Variants in SCN3A observed in about 807,000 individuals in gnomAD.
SCN3A encodes sodium voltage-gated channel alpha subunit 3.
A neutral mutation model predicts 187.6 loss-of-function variants in SCN3A; 60 were observed. That is an observed-to-expected ratio of 0.32 (90% CI 0.26 to 0.40). SCN3A has a LOEUF of 0.40. SCN3A is among the 10% of genes least tolerant of loss of function. The pLI, the probability that SCN3A is intolerant of heterozygous loss-of-function variation, is 1.00. For synonymous variants in SCN3A, 788 were observed against 829.2 expected (o/e 0.95, Z 0.85); for missense variants, 1,601 against 2,428.2 (o/e 0.66, Z 7.16).
chr2:165,167,339 A>G (rs62174951), intron 5 of SCN3A, among the ~76,000 whole-genome samples: 34,192 of 151,806 alleles, frequency 0.23, 5,013 homozygotes, highest in East Asian at 0.52. Flanking sequence ...TCTCTATTAC[A>G]ATAATTTCTA....
rs75385243 is a variant in SCN3A at position 165,191,155 on chromosome 2, A to G, written c.-247-4408T>C. Among the ~76,000 whole-genome samples the G allele has an allele frequency of 9.8e-3, 1,448 of 147,284 alleles. 25 individuals are homozygous for G. The highest frequency in any genetic ancestry group is 0.032 in the African/African-American group (1,293 of 39,870). On this transcript the variant is annotated intron_variant, in intron 1 of 27. Coordinates refer to ENST00000283254, the MANE Select transcript of SCN3A (RefSeq NM_006922.4). ...TAAAGATGACAATCATAGCTTCTTCAGTCTCATTTATTTATTCATTTGATG... is the reference window on the plus strand; with the variant it reads ...TAAAGATGACAATCATAGCTTCTTCGGTCTCATTTATTTATTCATTTGATG...
intron 25 of SCN3A, among the ~76,000 whole-genome samples, chr2:165,094,823 T>C (rs1014606480): frequency 2.6e-5 from 4 of 152,224 alleles, no homozygotes; most frequent in Non-Finnish European, 5.9e-5. Flanking sequence ...TTTAACACTT[T>C]CTGTGTGCTA....
intron 5 of SCN3A, among the ~76,000 whole-genome samples, chr2:165,166,990 C>G (rs1689807289): frequency 6.6e-6 from 1 of 151,886 alleles, no homozygotes; most frequent in African/African-American, 2.4e-5. Flanking sequence ...ACCTCCACCT[C>G]CTGGGTTCAA....
chr2:165,200,255 G>C (rs1255671981), intron 1 of SCN3A, among the ~76,000 whole-genome samples: 1 of 151,958 alleles, frequency 6.6e-6, no homozygotes, highest in Non-Finnish European at 1.5e-5. Flanking sequence ...TTGGAAAACT[G>C]GTAAAACAAC....
chr2:165,147,267 T>C (rs1688407733), intron 11 of SCN3A, among the ~76,000 whole-genome samples: 1 of 123,146 alleles, frequency 8.1e-6, no homozygotes, highest in Non-Finnish European at 1.7e-5. Context: ...GCCTATCTTC[T>C]GGATTGTCTT....
At chr2:165,169,951 G>A (rs564145068) in intron 4 of SCN3A, among the ~76,000 whole-genome samples, 10 of 151,610 alleles carry the variant, frequency 6.6e-5, no homozygotes, top group East Asian at 1.9e-4. Context: ...GGAATAAGAC[G>A]GAAGGGAAAA....
At chr2:165,153,401 G>C (rs1688813490) in intron 11 of SCN3A, among the ~76,000 whole-genome samples, 1 of 151,896 alleles carries the variant, frequency 6.6e-6, no homozygotes, top group South Asian at 2.1e-4. Context: ...AGATCCAAAA[G>C]AATGATTTAA....
intron 19 of SCN3A, among the ~76,000 whole-genome samples, chr2:165,114,235 G>C (rs1192784527): frequency 6.6e-6 from 1 of 152,116 alleles, no homozygotes; most frequent in Non-Finnish European, 1.5e-5. Context: ...CACCAGTCAG[G>C]ATTATTTTGC....
intron 20 of SCN3A, among the ~76,000 whole-genome samples, chr2:165,113,549 G>A (rs955911881): frequency 2.6e-5 from 4 of 152,156 alleles, no homozygotes; most frequent in East Asian, 1.9e-4. Flanking sequence ...GGAAAGTAAC[G>A]TGGTTACAGA....
At chr2:165,188,593 G>T (rs920798797) in intron 1 of SCN3A, among the ~76,000 whole-genome samples, 2 of 151,938 alleles carry the variant, frequency 1.3e-5, no homozygotes, top group African/African-American at 4.8e-5. Context: ...TTTGAGACCA[G>T]CCTGACCAAC....
Position 165,094,281 on chromosome 2 carries a change from A to G in SCN3A, c.4536+93T>C, listed in dbSNP as rs531470593. On this transcript the variant is annotated intron_variant, in intron 26 of 27. Transcript: ENST00000283254. ...TTATAATTAGGGCTCAATATTGGTG[A>G]TATCACCTAATATGTTCTGCTCCAG... 4.4e-6 allele frequency: 4 copies of G among 901,488 alleles called. No homozygotes were observed. The African/African-American group carries it at 4.9e-5, about 11-fold the overall frequency. 55.8% of individuals were successfully genotyped at this position (901,488 alleles called of 1,614,324 possible).
intron 10 of SCN3A, 72 bp downstream of exon 10, chr2:165,155,690 C>T: frequency 1.3e-6 from 2 of 1,566,448 alleles, no homozygotes; most frequent in Non-Finnish European, 1.8e-6. Context: ...TGAGCCACCA[C>T]ACCCAGCCTA....
rs145865846 is a variant in SCN3A at position 165,133,582 on chromosome 2, G to A, written c.2392-2165C>T. Among the ~76,000 whole-genome samples, 936 of 151,076 alleles carry A rather than the reference G, an allele frequency of 6.2e-3. 6 individuals carry two copies. The highest frequency in any genetic ancestry group is 0.022 in the African/African-American group (897 of 41,190). ...CAGTTTCGAACTCCTGACCTCAAGTGATCTGCCCGCCTCAGCCTCCCAAAG... is the reference window on the plus strand; with the variant it reads ...CAGTTTCGAACTCCTGACCTCAAGTAATCTGCCCGCCTCAGCCTCCCAAAG... On this transcript the variant is annotated intron_variant, in intron 15 of 27. Coordinates refer to ENST00000283254, the MANE Select transcript of SCN3A (RefSeq NM_006922.4).
In SCN3A at chr2:165,168,750, C is replaced by T. The variant is rs1553538118; in HGVS notation, c.459G>A (p.Trp153Ter). The change falls in exon 5 of 28, where the codon TGG becomes TGA. Residue 153 changes from tryptophan (W) to a stop codon, truncating the protein, a stop_gained. Coordinates refer to ENST00000283254, the MANE Select transcript of SCN3A (RefSeq NM_006922.4). LOFTEE classifies it high-confidence loss of function. ...VFMTLSNPPD[W>*]TKNVEYTFTG... is the part of the protein sequence containing the mutation. The stretch of plus-strand genomic sequence containing the variant: ...TTCCTACTTACTCTACATTCTTTGT[C>T]CAGTCAGGAGGGTTGCTCAAGGTCA... The T allele has an allele frequency of 6.2e-7, 1 of 1,608,390 alleles. No homozygotes were observed. The highest frequency in any genetic ancestry group is 8.5e-7 in the Non-Finnish European group (1 of 1,175,038).
rs199983547 is a variant in SCN3A at position 165,090,376 on chromosome 2, T to C, written c.5777A>G (p.Asn1926Ser). ...CCCTTTAATTGCCTCTTTGTTATAG[T>C]TACTTGATATATTTTTTAACCTTTG... ...LKQRLKNISS[N>S]YNKEAIKGRI... The change falls in exon 28 of 28, where the codon AAC (asparagine) becomes AGC (serine). Residue 1926 changes from asparagine (N) to serine (S), a missense_variant. Physicochemically the swap from Asn to Ser is conservative, Grantham distance 46 (BLOSUM62 1). Transcript: ENST00000283254. The surrounding 1 kb of genome is among the most constrained non-coding windows in gnomAD (Gnocchi z 4.0). The C allele has an allele frequency of 2.5e-6, 4 of 1,613,042 alleles. No homozygotes were observed. Among genetic ancestry groups the C allele is most frequent in the Non-Finnish European group, 3.4e-6 (4 of 1,179,098 alleles).
At chr2:165,111,209 C>T (rs1302578387) in intron 21 of SCN3A, among the ~76,000 whole-genome samples, 1 of 152,028 alleles carries the variant, frequency 6.6e-6, no homozygotes, top group Non-Finnish European at 1.5e-5. Context: ...GGTGCGGGCA[C>T]CTGTAATCCC....
intron 21 of SCN3A, among the ~76,000 whole-genome samples, chr2:165,102,420 G>A (rs558456368): frequency 1.3e-5 from 2 of 152,140 alleles, no homozygotes; most frequent in Non-Finnish European, 2.9e-5. Context: ...GGAGGCTTAG[G>A]CAGGATGATT....
intron 9 of SCN3A, among the ~76,000 whole-genome samples, chr2:165,160,650 T>A (rs1430924012): frequency 6.6e-5 from 10 of 151,992 alleles, no homozygotes; most frequent in African/African-American, 1.2e-4. Context: ...ATTAAAAAAA[T>A]TTTTTGGGGG....
chr2:165,109,784 T>C (rs1206786290), intron 21 of SCN3A, among the ~76,000 whole-genome samples: 3 of 152,326 alleles, frequency 2.0e-5, no homozygotes, highest in African/African-American at 2.4e-5. Flanking sequence ...AACTAATATA[T>C]GATAGATTAC....
Sources: gnomAD v4.1 joint callset for allele counts (sites outside exome capture counted in the v4.1 genomes callset) on GRCh38, gnomAD v4.1.1 for gene constraint, Gnocchi (gnomAD v3.1) non-coding constraint, MANE v1.5 for transcripts, NCBI Gene and HGNC (gene_info 2026-07-23, HGNC 2026-07-21) for gene names.